The following FKBP15 variants were observed in gnomAD, a reference collection of about 807,000 sequenced individuals.
FKBP15 encodes FKBP prolyl isomerase family member 15.
Under a neutral mutation model 158.1 loss-of-function variants are expected in FKBP15, and 106 were observed. The observed-to-expected ratio is 0.67, with a 90% confidence interval of 0.57 to 0.79. FKBP15 has a LOEUF of 0.79. FKBP15 is among the 30% of genes least tolerant of loss of function. The pLI is 0.00. For synonymous variants in FKBP15, 547 were observed against 548.6 expected (o/e 1.00, Z 0.04); for missense variants, 1,287 against 1,479.1 (o/e 0.87, Z 2.13).
chr9:113,168,556 A>G lies in FKBP15; in HGVS notation c.3486T>C (p.Ser1162=). The G allele has an allele frequency of 6.2e-7, 1 of 1,613,460 alleles. No individual in the cohort carries two copies. The highest frequency in any genetic ancestry group is 1.1e-5 in the South Asian group (1 of 91,072). The change falls in exon 27 of 28, where the codon AGT becomes AGC. Residue 1162 remains serine, a splice_region_variant and synonymous_variant. Transcript: ENST00000238256. ...LRPSHHSQRS[S]LSGDEEDELF... is the part of the protein sequence containing the mutation. ...GTTCATCCTCTTCATCCCCAGAGAG[A>G]CTGAAGGAAAATCAAGTCATAGAAA...
intron 12 of FKBP15, 118 bp from the exon 13 acceptor site, chr9:113,188,609 G>A (rs369274866): frequency 2.0e-5 from 16 of 807,940 alleles, no homozygotes; most frequent in African/African-American, 1.9e-4. Context: ...GAAGAGGAAG[G>A]AAAGGTAAGC....
Position 113,180,715 on chromosome 9 carries a change from C to A in FKBP15, c.1915-1914G>T, listed in dbSNP as rs538230939. On this transcript the variant is annotated intron_variant, in intron 19 of 27. Transcript: ENST00000238256. ...AATGGGGTCCTATGCAGGTCTTTTA[C>A]CCTTTCATTCTCTGATCCTTGGTCT... 3.3e-4 allele frequency among the ~76,000 whole-genome samples: 51 copies of A among 152,256 alleles called. No homozygotes were observed. In the South Asian group the frequency reaches 4.6e-3, roughly 14 times the overall value.
chr9:113,187,723 A>C lies in FKBP15; in HGVS notation c.1383+70T>G, dbSNP rs1404888135. On this transcript the variant is annotated intron_variant, in intron 14 of 27. Transcript: ENST00000238256. ...ACTGCTACTGTATGAAATGTACAGGAAGAAGAAAAGAGACTGACTAGAACC... is the reference window on the plus strand; with the variant it reads ...ACTGCTACTGTATGAAATGTACAGGCAGAAGAAAAGAGACTGACTAGAACC... The C allele has an allele frequency of 2.4e-6, 3 of 1,239,134 alleles. No individual in the cohort carries two copies. In the South Asian group the frequency reaches 3.8e-5, roughly 16 times the overall value. 76.8% of individuals were successfully genotyped at this position (1,239,134 alleles called of 1,614,324 possible).
chr9:113,162,455 C>T lies in FKBP15; in HGVS notation c.*3623G>A. The T allele has an allele frequency of 3.6e-6, 1 of 275,442 alleles. No homozygotes were observed. The allele number at this position is 275,442 out of a possible 1,614,324, so 17.1% of individuals were successfully genotyped here. A position where few individuals can be genotyped will look rare whatever the true frequency, so the allele number is the denominator to read the frequency against. On this transcript the variant is annotated 3_prime_UTR_variant, in exon 28 of 28. Transcript: ENST00000238256. ...AAATATGCCTTACTGATGATTTTCT[C>T]TTATTCCTTATCAGAAAGACAGATT...
At chr9:113,215,328 C>A (rs1294254804) in intron 1 of FKBP15, among the ~76,000 whole-genome samples, 1 of 148,658 alleles carries the variant, frequency 6.7e-6, no homozygotes, top group African/African-American at 2.5e-5. Flanking sequence ...GGCCTAATGC[C>A]AATATTGCTG....
chr9:113,186,552 G>A, intron 14 of FKBP15, 189 bp from the exon 15 acceptor site: 2 of 550,866 alleles, frequency 3.6e-6, no homozygotes, highest in Middle Eastern at 4.6e-4. Flanking sequence ...ATGTATCCCA[G>A]GGGAAACCAG....
At chr9:113,207,395 A>C in intron 2 of FKBP15, 99 bp from the exon 3 acceptor site, 2 of 839,486 alleles carry the variant, frequency 2.4e-6, no homozygotes, top group Non-Finnish European at 3.7e-6. Context: ...GCTGGAGTGC[A>C]GTGGCGTGAT....
rs1831186423 is a variant in FKBP15, at chr9:113,218,380, TA to T, written c.53+2810del. ...TCATAGAGAGGAGTAAATACAATTA[TA>T]TATATATATATATATATATATATAT... On this transcript the variant is annotated intron_variant, in intron 1 of 27. Transcript: ENST00000238256. 1.2e-3 allele frequency among the ~76,000 whole-genome samples: 108 copies of T among 93,052 alleles called. 1 individual carries two copies. The highest frequency in any genetic ancestry group is 6.7e-3 in the Middle Eastern group (1 of 150). 61.0% of individuals were successfully genotyped at this position (93,052 alleles called of 152,430 possible). A position where few individuals can be genotyped will look rare whatever the true frequency, so the allele number is the denominator to read the frequency against.
chr9:113,168,364 G>T, intron 27 of FKBP15, 96 bp downstream of exon 27: 2 of 1,051,996 alleles, frequency 1.9e-6, no homozygotes, highest in African/African-American at 1.6e-5. Flanking sequence ...TCCAGGGAGT[G>T]GGCCACCAAC....
rs993279222 is a variant in FKBP15 at position 113,163,924 on chromosome 9, G to A, written c.*2154C>T. 1.3e-5 allele frequency: 2 copies of A among 151,968 alleles called. No homozygotes were observed. Among genetic ancestry groups the A allele is most frequent in the African/African-American group, 4.9e-5 (2 of 41,172 alleles). The allele number at this position is 151,968 out of a possible 1,614,324, so 9.4% of individuals were successfully genotyped here. A position where few individuals can be genotyped will look rare whatever the true frequency, so the allele number is the denominator to read the frequency against. On this transcript the variant is annotated 3_prime_UTR_variant, in exon 28 of 28. Coordinates refer to ENST00000238256, the MANE Select transcript of FKBP15 (RefSeq NM_015258.2). ...AAAATACTGATTAAGCCATGGGCAG[G>A]TACTGACTGAAGATGCAATCCAACC... is the stretch of plus-strand genomic sequence containing the variant.
chr9:113,205,159 G>C (rs1477558154), intron 4 of FKBP15, among the ~76,000 whole-genome samples: 1 of 152,096 alleles, frequency 6.6e-6, no homozygotes, highest in African/African-American at 2.4e-5. Flanking sequence ...AAAAGTACAA[G>C]TAACAAAAGA....
intron 1 of FKBP15, among the ~76,000 whole-genome samples, chr9:113,217,372 C>T (rs1303499865): frequency 6.6e-6 from 1 of 151,218 alleles, no homozygotes; most frequent in Non-Finnish European, 1.5e-5. Context: ...GCCACCACAC[C>T]CAGTTAATTT....
At chr9:113,206,374 T>C in intron 4 of FKBP15, 135 bp downstream of exon 4, 1 of 663,108 alleles carries the variant, frequency 1.5e-6, no homozygotes. Context: ...ATGCTTGATG[T>C]TATAAATTAA....
rs1282800696 is a variant in FKBP15 at position 113,169,872 on chromosome 9, T to G, written c.2837A>C (p.Glu946Ala). 6.5e-7 allele frequency: 1 copy of G among 1,544,132 alleles called. No homozygotes were observed. The highest frequency in any genetic ancestry group is 1.4e-5 in the African/African-American group (1 of 72,772). Residue 946 changes from glutamate to alanine, a missense_variant, in exon 26 of 28, where the codon GAA (glutamate) becomes GCA (alanine). By Grantham distance (107) the Glu-to-Ala change is moderately radical (BLOSUM62 -1). Transcript: ENST00000238256. ...TCTTCGTGGCCGCTCTTCTGCTTTT[T>G]CTTCTTCTTCTTCACTGCTGCTCTC... ...KEESSSEEEE[E>A]KAEERPRRPS...
chr9:113,216,245 A>G (rs1831132150), intron 1 of FKBP15, among the ~76,000 whole-genome samples: 1 of 152,166 alleles, frequency 6.6e-6, no homozygotes. Flanking sequence ...AGTTTAGGTG[A>G]AGTAAACATT....
chr9:113,188,032 C>T (rs1830514003), intron 13 of FKBP15, 133 bp from the exon 14 acceptor site: 2 of 700,602 alleles, frequency 2.9e-6, no homozygotes, highest in South Asian at 1.9e-5. Context: ...CTCAGCTCTA[C>T]TGCAATCTCA....
intron 12 of FKBP15, among the ~76,000 whole-genome samples, chr9:113,189,466 TTTAAA>T (rs1213039713): frequency 6.6e-6 from 1 of 152,084 alleles, no homozygotes; most frequent in African/African-American, 2.4e-5. Context: ...TTTCTATAAT[TTTAAA>T]TTATTCTAAA....
intron 27 of FKBP15, among the ~76,000 whole-genome samples, chr9:113,167,831 C>T (rs914047712): frequency 1.3e-5 from 2 of 152,208 alleles, no homozygotes. Flanking sequence ...CAGTCCCTAT[C>T]AGTGCCCTCC....
intron 1 of FKBP15, 82 bp from the exon 2 acceptor site, chr9:113,211,674 T>C: frequency 1.1e-6 from 1 of 919,742 alleles, no homozygotes; most frequent in Non-Finnish European, 1.7e-6. Context: ...ATCTCCAACC[T>C]TGAACAAATA....
Sources: gnomAD v4.1 joint callset for allele counts (sites outside exome capture counted in the v4.1 genomes callset) on GRCh38, gnomAD v4.1.1 for gene constraint, MANE v1.5 for transcripts, NCBI Gene and HGNC (gene_info 2026-07-23, HGNC 2026-07-21) for gene names.